Variants in SPG11 observed in about 807,000 individuals in gnomAD.
SPG11 encodes spatacsin.
Under a neutral mutation model 274.0 loss-of-function variants are expected in SPG11, and 222 were observed. That is an observed-to-expected ratio of 0.81 (90% confidence interval 0.73 to 0.91). The LOEUF (loss-of-function observed/expected upper bound fraction) is 0.91, where lower values mean the gene tolerates loss of function less well. Among genes scored for constraint, SPG11 ranks in the 40% least tolerant of loss-of-function variants. The probability of loss-of-function intolerance (pLI) is 0.00; values close to 1 mark genes in which losing one functional copy is unlikely to be tolerated. For synonymous variants in SPG11, 1,144 were observed against 1,039.7 expected, an observed-to-expected ratio of 1.10 and a Z score of -1.93; for missense variants, 3,114 against 2,872.7, an observed-to-expected ratio of 1.08 and a Z score of -1.92.
At chr15:44,663,275 C>T in intron 1 of SPG11, 116 bp downstream of exon 1, 1 of 1,400,148 alleles carries the variant, frequency 7.1e-7, no homozygotes, top group Non-Finnish European at 9.8e-7. Context: ...CAGCTGGCAC[C>T]CTTCTCCCGC....
chr15:44,651,993 T>G, intron 5 of SPG11, 54 bp from the exon 6 acceptor site: 1 of 1,578,850 alleles, frequency 6.3e-7, no homozygotes, highest in African/African-American at 1.4e-5. Flanking sequence ...AGGCACTATG[T>G]AAAACACTAA....
chr15:44,637,903 C>A (rs1191987979), intron 7 of SPG11, among the ~76,000 whole-genome samples: 2 of 152,156 alleles, frequency 1.3e-5, no homozygotes, highest in African/African-American at 4.8e-5. Context: ...CATGTTACTG[C>A]CTCTGAAGAT....
In SPG11 at chr15:44,629,287, G is replaced by T. The variant is rs1342685259; in HGVS notation, c.1837C>A (p.Leu613Ile). ...TGGTTGTTAAGGAAAGACAGTGTAAGATTAAGCAATTGTTCTGAAAAGTGT... is the reference window on the plus strand; with the variant it reads ...TGGTTGTTAAGGAAAGACAGTGTAATATTAAGCAATTGTTCTGAAAAGTGT... ...SKHFSEQLLN[L>I]TLSFLNNQIK... Residue 613 changes from leucine (L) to isoleucine (I), a missense_variant, in exon 9 of 40, where the codon CTT becomes ATT. Physicochemically the swap from Leu to Ile is conservative, Grantham distance 5. Transcript: ENST00000261866. 6.2e-7 allele frequency: 1 copy of T among 1,614,084 alleles called. No individual in the cohort carries two copies. The highest frequency in any genetic ancestry group is 2.2e-5 in the East Asian group (1 of 44,872).
intron 20 of SPG11, chr15:44,604,210 A>AG: frequency 2.4e-6 from 1 of 424,122 alleles, no homozygotes. Context: ...AAAAAAAAAA[A>AG]AAAGGCTTGA....
intron 33 of SPG11, among the ~76,000 whole-genome samples, chr15:44,572,299 T>G (rs2140926223): frequency 6.6e-6 from 1 of 152,368 alleles, no homozygotes; most frequent in East Asian, 1.9e-4. Flanking sequence ...TTAGACATTA[T>G]GGAAAATAAA....
chr15:44,651,531 T>C lies in SPG11; in HGVS notation c.1416A>G (p.Val472=). 1 of 1,614,170 alleles carries C rather than the reference T, an allele frequency of 6.2e-7. No individual in the cohort carries two copies. The highest frequency in any genetic ancestry group is 8.5e-7 in the Non-Finnish European group (1 of 1,180,004). Residue 472 remains valine (V), a synonymous_variant, in exon 6 of 40, where the codon GTA becomes GTG. Coordinates refer to ENST00000261866, the MANE Select transcript of SPG11 (RefSeq NM_025137.4). ...ACAGCTGCTGGTCTCCACTACTGTC[T>C]ACAGGAATACACTTTGTGCCAAGGG... is the stretch of plus-strand genomic sequence containing the variant. ...CFSLGTKCIP[V]DSSGDQQLCF... is the part of the protein sequence containing the mutation.
At chr15:44,609,000 G>A (rs561163329) in intron 18 of SPG11, among the ~76,000 whole-genome samples, 1 of 152,310 alleles carries the variant, frequency 6.6e-6, no homozygotes, top group South Asian at 2.1e-4. Context: ...TTCTATGACT[G>A]TAATTTCTGA....
At chr15:44,566,395 A>G in intron 36 of SPG11, 90 bp from the exon 37 acceptor site, 1 of 1,300,702 alleles carries the variant, frequency 7.7e-7, no homozygotes, top group Non-Finnish European at 1.1e-6. Flanking sequence ...TAGAATAGAA[A>G]CATCCCAGCC....
chr15:44,635,939 A>C (rs2084235923), intron 7 of SPG11, among the ~76,000 whole-genome samples: 1 of 151,794 alleles, frequency 6.6e-6, no homozygotes, highest in Admixed American at 6.6e-5. Context: ...AAGAAAGAAA[A>C]ATTTGCCACC....
intron 32 of SPG11, chr15:44,573,221 G>C: frequency 3.9e-6 from 2 of 519,346 alleles, no homozygotes; most frequent in Non-Finnish European, 6.9e-6. Flanking sequence ...TCCTGACCTC[G>C]TGATCTGCCA....
At chr15:44,587,220 G>T (rs1015907183) in intron 28 of SPG11, among the ~76,000 whole-genome samples, 9 of 152,200 alleles carry the variant, frequency 5.9e-5, no homozygotes, top group Admixed American at 3.3e-4. Flanking sequence ...GGCTGAGTTT[G>T]CTCCCTTTCC....
chr15:44,598,258 C>T lies in SPG11; in HGVS notation c.4001+7G>A, dbSNP rs746030085. 4.5e-5 allele frequency: 73 copies of T among 1,606,470 alleles called. No individual in the cohort carries two copies. Among genetic ancestry groups the T allele is most frequent in the Non-Finnish European group, 5.9e-5 (69 of 1,173,196 alleles). The stretch of plus-strand genomic sequence containing the variant: ...TAGAAAAGAGGCTGAGACTGCAACT[C>T]ACAAACCTCTTTATTTCCTGTTGCT... On this transcript the variant is annotated splice_region_variant and intron_variant, in intron 23 of 39. Transcript: ENST00000261866.
chr15:44,575,073 A>T, intron 30 of SPG11, 32 bp from the exon 31 acceptor site: 1 of 1,612,830 alleles, frequency 6.2e-7, no homozygotes, highest in Non-Finnish European at 8.5e-7. Context: ...AGGGGCTCTA[A>T]GCTGGGAGGT....
chr15:44,585,506 G>A, intron 29 of SPG11, 130 bp downstream of exon 29: 1 of 698,932 alleles, frequency 1.4e-6, no homozygotes, highest in South Asian at 1.6e-5. Flanking sequence ...GGAGGCTGAG[G>A]CAGGAGAATT....
chr15:44,608,755 G>C, intron 18 of SPG11, 150 bp from the exon 19 acceptor site: 1 of 725,038 alleles, frequency 1.4e-6, no homozygotes, highest in Non-Finnish European at 2.2e-6. Flanking sequence ...TAAGTTAACA[G>C]TTCTTGTTCT....
intron 16 of SPG11, among the ~76,000 whole-genome samples, chr15:44,613,804 G>A (rs1056826192): frequency 6.6e-6 from 1 of 152,170 alleles, no homozygotes; most frequent in African/African-American, 2.4e-5. Flanking sequence ...TAGATACCTT[G>A]TACTTTAAGA....
chr15:44,590,790 A>C (rs1025423323), intron 27 of SPG11: 1 of 152,218 alleles, frequency 6.6e-6, no homozygotes, highest in South Asian at 2.1e-4. Context: ...CCAAAAACTT[A>C]TAATTCAGTA....
chr15:44,589,311 T>C lies in SPG11; in HGVS notation c.4847A>G (p.Gln1616Arg), dbSNP rs757148701. Residue 1616 changes from glutamine (Q) to arginine (R), a missense_variant, in exon 28 of 40, where the codon CAG becomes CGG. Physicochemically the swap from Gln to Arg is conservative, Grantham distance 43. Transcript: ENST00000261866. ...CTGTAAAAGCTTCCCCAGCTCATAC[T>C]GGGTCTTACACTGCTGTAGCATAAG... ...LKLMLQQCKT[Q>R]YELGKLLQLF... 2 of 1,614,180 alleles carry C rather than the reference T, an allele frequency of 1.2e-6. No individual in the cohort carries two copies. The highest frequency in any genetic ancestry group is 1.7e-6 in the Non-Finnish European group (2 of 1,180,002).
intron 16 of SPG11, among the ~76,000 whole-genome samples, chr15:44,613,828 ATTGG>A: frequency 6.6e-6 from 1 of 152,332 alleles, no homozygotes; most frequent in East Asian, 1.9e-4. Flanking sequence ...TTCATATTTT[ATTGG>A]TTTTTACAAC....
Sources: gnomAD v4.1 joint callset for allele counts (sites outside exome capture counted in the v4.1 genomes callset) on GRCh38, gnomAD v4.1.1 for gene constraint, MANE v1.5 for transcripts, NCBI Gene and HGNC (gene_info 2026-07-23, HGNC 2026-07-21) for gene names.